SV2B: variants seen among roughly 807,000 people sequenced by gnomAD.
SV2B encodes solute carrier family 22 member B2.
In SV2B, 41 loss-of-function variants were observed where a neutral mutation model predicts 73.9. That is an observed-to-expected ratio of 0.56 (90% CI 0.43 to 0.72). The LOEUF (loss-of-function observed/expected upper bound fraction) is 0.72. Ranked by LOEUF, SV2B falls within the 30% of genes least tolerant of loss-of-function variation. The pLI is 0.00. For missense variants in SV2B, 764 were observed against 857.8 expected (o/e 0.89, Z 1.37); for synonymous variants, 314 against 314.2 (o/e 1.00, Z 0.01).
chr15:91,191,613 A>G (rs2045034432), intron 1 of SV2B, among the ~76,000 whole-genome samples: 1 of 152,128 alleles, frequency 6.6e-6, no homozygotes, highest in South Asian at 2.1e-4. Flanking sequence ...TCAGCTCTGT[A>G]TTGAAGTCTC....
Position 91,232,813 on chromosome 15 carries a change from A to T in SV2B, c.451+6099A>T, listed in dbSNP as rs2046630769. ...GATGCTGAGGTTTGGGATACAAATG[A>T]TCCCATCACCCAGATAGTGAGCAAA... On this transcript the variant is annotated intron_variant, in intron 2 of 12. Coordinates refer to ENST00000394232, the MANE Select transcript of SV2B (RefSeq NM_001323032.3). This position sits in a 1 kb window ranked among gnomAD's most constrained non-coding sequence, Gnocchi z 4.7. 1.3e-5 allele frequency among the ~76,000 whole-genome samples: 2 copies of T among 152,256 alleles called. No individual in the cohort carries two copies. Among genetic ancestry groups the T allele is most frequent in the South Asian group, 2.1e-4 (1 of 4,820 alleles).
chr15:91,156,910 A>G (rs1490536049), intron 1 of SV2B, among the ~76,000 whole-genome samples: 3 of 152,180 alleles, frequency 2.0e-5, no homozygotes, highest in Admixed American at 2.0e-4. Flanking sequence ...TTTTGTTTTT[A>G]CGTAAAGTGT....
rs1000925550 is a variant in SV2B at position 91,226,539 on chromosome 15, C to T, written c.276C>T (p.Ala92=). 1.2e-6 allele frequency: 2 copies of T among 1,614,136 alleles called. No individual in the cohort carries two copies. The highest frequency in any genetic ancestry group is 8.5e-7 in the Non-Finnish European group (1 of 1,180,016). ...GGCTGGAAGATGAGGAGCAGTTGGCCCACCAGTACGAGACCATCATGGATG... is the reference window on the plus strand; with the variant it reads ...GGCTGGAAGATGAGGAGCAGTTGGCTCACCAGTACGAGACCATCATGGATG... ...AERLEDEEQL[A]HQYETIMDEC... The change falls in exon 2 of 13, where the codon GCC becomes GCT. Residue 92 remains alanine, a synonymous_variant. Coordinates refer to ENST00000394232, the MANE Select transcript of SV2B (RefSeq NM_001323032.3).
rs2042245640 is a variant in SV2B, at chr15:91,118,724, C to G, written c.-392+18361C>G. Among the ~76,000 whole-genome samples, 1 of 152,316 alleles carries G rather than the reference C, an allele frequency of 6.6e-6. No homozygotes were observed. The highest frequency in any genetic ancestry group is 2.4e-5 in the African/African-American group (1 of 41,570). On this transcript the variant is annotated intron_variant, in intron 1 of 12. Transcript: ENST00000394232. The surrounding 1 kb of genome is among the most constrained non-coding windows in gnomAD (Gnocchi z 4.7). ...ACAGAAGCCACCACATCAGACAGCC[C>G]AGTCCAAACCAGAGCCATGCCAGGG...
chr15:91,260,024 C>T (rs16945469), intron 5 of SV2B, among the ~76,000 whole-genome samples: 3 of 152,002 alleles, frequency 2.0e-5, no homozygotes, highest in African/African-American at 2.4e-5. Context: ...CCCACACCAC[C>T]GTCCATTCAA....
chr15:91,120,133 A>G (rs1484442647), intron 1 of SV2B, among the ~76,000 whole-genome samples: 1 of 152,188 alleles, frequency 6.6e-6, no homozygotes, highest in Non-Finnish European at 1.5e-5. Flanking sequence ...CACTGCTGTA[A>G]AAGACTACCT....
chr15:91,192,823 G>C (rs916152926), intron 1 of SV2B, among the ~76,000 whole-genome samples: 1 of 152,220 alleles, frequency 6.6e-6, no homozygotes, highest in Non-Finnish European at 1.5e-5. Context: ...CTTAGGGACT[G>C]ACACGTGACT....
intron 4 of SV2B, among the ~76,000 whole-genome samples, chr15:91,255,882 CAATGTGCCT>C (rs2141629255): frequency 6.6e-6 from 1 of 152,296 alleles, no homozygotes; most frequent in East Asian, 1.9e-4. Context: ...TGGTATTTTC[CAATGTGCCT>C]AATGCATTAA....
chr15:91,284,406 A>C lies in SV2B; in HGVS notation c.1708+185A>C, dbSNP rs771772529. ...TACAGAAGACTCCAGGGCTCCTGGG[A>C]AATAGTCAAGAATCTTTGGTCTAGG... On this transcript the variant is annotated intron_variant, in intron 11 of 12. Coordinates refer to ENST00000394232, the MANE Select transcript of SV2B (RefSeq NM_001323032.3). This position sits in a 1 kb window ranked among gnomAD's most constrained non-coding sequence, Gnocchi z 4.5. Among the ~76,000 whole-genome samples, 102 of 152,292 alleles carry C rather than the reference A, an allele frequency of 6.7e-4. No individual in the cohort carries two copies. The highest frequency in any genetic ancestry group is 1.1e-3 in the Non-Finnish European group (73 of 68,020).
rs1281793862 is a variant in SV2B at position 91,123,232 on chromosome 15, A to G, written c.-392+22869A>G. 2.0e-5 allele frequency among the ~76,000 whole-genome samples: 3 copies of G among 152,220 alleles called. No individual in the cohort carries two copies. Among genetic ancestry groups the G allele is most frequent in the Non-Finnish European group, 4.4e-5 (3 of 68,046 alleles). On this transcript the variant is annotated intron_variant, in intron 1 of 12. Coordinates refer to ENST00000394232, the MANE Select transcript of SV2B (RefSeq NM_001323032.3). This position sits in a 1 kb window ranked among gnomAD's most constrained non-coding sequence, Gnocchi z 4.7. ...ATTAAAGCTGCAGTGAGCCATGTTC[A>G]TACCACTGCATTGCAGCCTGGTAAC... is the stretch of plus-strand genomic sequence containing the variant.
At chr15:91,109,518 A>AC (rs2151725525) in intron 1 of SV2B, among the ~76,000 whole-genome samples, 2 of 152,324 alleles carry the variant, frequency 1.3e-5, no homozygotes, top group South Asian at 4.1e-4. Flanking sequence ...AGGAGATGGA[A>AC]CAGAACACGT....
At position 91,106,326 on chromosome 15, in the gene SV2B, A is replaced by G. The variant is rs80156198; in HGVS notation, c.-392+5963A>G. On this transcript the variant is annotated intron_variant, in intron 1 of 12. Transcript: ENST00000394232. This position sits in a 1 kb window ranked among gnomAD's most constrained non-coding sequence, Gnocchi z 4.4. ...AGGAGACATAGGTTTGAGTATCATT[A>G]GCATGTTATTTATTTTTCCGTGAGC... 0.019 allele frequency among the ~76,000 whole-genome samples: 2,900 copies of G among 152,298 alleles called. 97 individuals carry two copies. The highest frequency in any genetic ancestry group is 0.066 in the African/African-American group (2,730 of 41,542).
chr15:91,142,966 G>T (rs903134053), intron 1 of SV2B, among the ~76,000 whole-genome samples: 1 of 152,114 alleles, frequency 6.6e-6, no homozygotes, highest in Non-Finnish European at 1.5e-5. Flanking sequence ...TTCTTTCAAC[G>T]GTTTTTTAGG....
intron 1 of SV2B, among the ~76,000 whole-genome samples, chr15:91,198,418 A>T (rs567249726): frequency 3.4e-5 from 5 of 149,236 alleles, no homozygotes; most frequent in Admixed American, 1.3e-4. Context: ...TTTTCTTCTC[A>T]GTGACAGCTT....
chr15:91,177,368 G>A (rs1299807550), intron 1 of SV2B, among the ~76,000 whole-genome samples: 2 of 151,708 alleles, frequency 1.3e-5, no homozygotes, highest in African/African-American at 2.4e-5. Flanking sequence ...TTGACTTGGC[G>A]ATGTGGGCTC....
At chr15:91,157,719 G>A (rs1223510926) in intron 1 of SV2B, among the ~76,000 whole-genome samples, 1 of 152,166 alleles carries the variant, frequency 6.6e-6, no homozygotes, top group Non-Finnish European at 1.5e-5. Context: ...AAGTGGCAGA[G>A]CCAGGATTTG....
chr15:91,287,918 C>T (rs1034627388), intron 11 of SV2B, among the ~76,000 whole-genome samples: 3 of 152,266 alleles, frequency 2.0e-5, no homozygotes, highest in South Asian at 2.1e-4. Flanking sequence ...GGGCTGGAGC[C>T]GTGGAGCAAG....
chr15:91,154,645 G>T (rs141317122), intron 1 of SV2B, among the ~76,000 whole-genome samples: 1 of 152,094 alleles, frequency 6.6e-6, no homozygotes, highest in East Asian at 1.9e-4. Flanking sequence ...CCAATGACTG[G>T]TGTCCTTATA....
chr15:91,274,637 T>C (rs2141721077), intron 9 of SV2B, among the ~76,000 whole-genome samples: 1 of 152,334 alleles, frequency 6.6e-6, no homozygotes, highest in African/African-American at 2.4e-5. Context: ...TCCTTTTTTG[T>C]ACTAATACAA....
Sources: allele counts gnomAD v4.1 joint callset (sites outside exome capture counted in the v4.1 genomes callset), GRCh38; gene constraint gnomAD v4.1.1; non-coding constraint Gnocchi (gnomAD v3.1); transcripts MANE v1.5; gene names NCBI Gene and HGNC (gene_info 2026-07-23, HGNC 2026-07-21).